The following NEK6 variants were observed in gnomAD, a reference collection of about 807,000 sequenced individuals.
The protein encoded by NEK6 is NIMA related kinase 6.
In NEK6, 27 loss-of-function variants were observed where a neutral mutation model predicts 43.5. That is an observed-to-expected ratio of 0.62 (90% CI 0.46 to 0.86). The LOEUF is 0.86. Ranked by LOEUF, NEK6 falls within the 40% of genes least tolerant of loss-of-function variation. The pLI is 0.00. For missense variants in NEK6, 318 were observed against 414.4 expected (o/e 0.77, Z 2.02); for synonymous variants, 167 against 164.1 (o/e 1.02, Z -0.14).
intron 9 of NEK6, among the ~76,000 whole-genome samples, chr9:124,348,982 A>G (rs779326015): frequency 3.5e-4 from 53 of 152,378 alleles, no homozygotes; most frequent in Non-Finnish European, 5.4e-4. Flanking sequence ...TGGCCCATCA[A>G]TTAGCTGGGG....
At chr9:124,261,650 G>C in intron 1 of NEK6, 1 of 912,018 alleles carries the variant, frequency 1.1e-6, no homozygotes, top group Non-Finnish European at 1.3e-6. Flanking sequence ...TTTCCATTTC[G>C]ATCACGGCTT....
chr9:124,269,437 G>A (rs1013340128), intron 1 of NEK6, among the ~76,000 whole-genome samples: 9 of 151,742 alleles, frequency 5.9e-5, no homozygotes, highest in East Asian at 1.9e-4. Context: ...GCAATGGCAC[G>A]ATCTTGGCTT....
At chr9:124,332,886 T>A (rs4602996) in intron 7 of NEK6, among the ~76,000 whole-genome samples, 3 of 152,122 alleles carry the variant, frequency 2.0e-5, no homozygotes, top group Non-Finnish European at 4.4e-5. Flanking sequence ...TCTTCTTTCA[T>A]ACACACAGCT....
At chr9:124,335,406 G>A (rs949368352) in intron 7 of NEK6, among the ~76,000 whole-genome samples, 3 of 152,244 alleles carry the variant, frequency 2.0e-5, no homozygotes, top group African/African-American at 7.2e-5. Context: ...CATCAAGTAT[G>A]CATAGAGGAT....
chr9:124,310,280 C>T lies in NEK6; in HGVS notation c.91-2229C>T, dbSNP rs115278749. Among the ~76,000 whole-genome samples, 614 of 152,318 alleles carry T rather than the reference C, an allele frequency of 4.0e-3. 3 individuals are homozygous for T. Among genetic ancestry groups the T allele is most frequent in the African/African-American group, 0.014 (591 of 41,568 alleles). On this transcript the variant is annotated intron_variant, in intron 2 of 9. Coordinates refer to ENST00000320246, the MANE Select transcript of NEK6 (RefSeq NM_014397.6). Reference sequence around the variant, plus strand: ...TTGTTCTGAGGACCCAAAGAGTGGGCGCGTGGGCGGTGTCTGCACAGAGCC... The same window carrying T: ...TTGTTCTGAGGACCCAAAGAGTGGGTGCGTGGGCGGTGTCTGCACAGAGCC...
At chr9:124,290,486 C>T (rs913146977) in intron 1 of NEK6, among the ~76,000 whole-genome samples, 4 of 152,254 alleles carry the variant, frequency 2.6e-5, no homozygotes, top group Admixed American at 6.5e-5. Flanking sequence ...CTCACTCACG[C>T]GTCCTCCAGG....
chr9:124,336,637 G>C (rs1829306715), intron 7 of NEK6, among the ~76,000 whole-genome samples: 1 of 152,170 alleles, frequency 6.6e-6, no homozygotes. Context: ...ACAGAGACTG[G>C]TGAGGACAGC....
chr9:124,301,348 G>A (rs1054000048), intron 1 of NEK6, among the ~76,000 whole-genome samples: 1 of 152,180 alleles, frequency 6.6e-6, no homozygotes, highest in Non-Finnish European at 1.5e-5. Context: ...AGGCTGAGGG[G>A]GGCTGTTCCT....
rs1830284586 is a variant in NEK6, at chr9:124,351,759, G to A, written c.*812G>A. The A allele has an allele frequency of 6.6e-6, 1 of 152,202 alleles. No individual in the cohort carries two copies. The allele number at this position is 152,202 out of a possible 1,614,324, so 9.4% of individuals were successfully genotyped here. A position where few individuals can be genotyped will look rare whatever the true frequency, so the allele number is the denominator to read the frequency against. ...CAAATTCTGGTTCTGCAACTTCCTA[G>A]CGTGACTTTGGGCTTGGGCAAGTTT... On this transcript the variant is annotated 3_prime_UTR_variant, in exon 10 of 10. Transcript: ENST00000320246.
chr9:124,258,273 G>C, intron 1 of NEK6, 188 bp downstream of exon 1: 1 of 984,808 alleles, frequency 1.0e-6, no homozygotes, highest in Non-Finnish European at 1.2e-6. Flanking sequence ...GGCCGGGCGG[G>C]CGGGGGCGGC....
At chr9:124,277,585 C>T (rs373026341) in intron 1 of NEK6, among the ~76,000 whole-genome samples, 4 of 152,206 alleles carry the variant, frequency 2.6e-5, no homozygotes, top group South Asian at 2.1e-4. Context: ...AAAACCAGGC[C>T]GATGCCTGCC....
chr9:124,325,807 G>A (rs190092137), intron 5 of NEK6, among the ~76,000 whole-genome samples: 10 of 152,316 alleles, frequency 6.6e-5, no homozygotes, highest in African/African-American at 2.2e-4. Flanking sequence ...CAAGGTTCTC[G>A]CCGCGTTTGT....
intron 1 of NEK6, among the ~76,000 whole-genome samples, chr9:124,269,021 C>T (rs1408685329): frequency 6.6e-6 from 1 of 152,136 alleles, no homozygotes; most frequent in Non-Finnish European, 1.5e-5. Context: ...TCACAGGACA[C>T]CTGGGTTTCT....
intron 6 of NEK6, among the ~76,000 whole-genome samples, chr9:124,327,093 C>T (rs1208603536): frequency 6.6e-6 from 1 of 152,186 alleles, no homozygotes; most frequent in Non-Finnish European, 1.5e-5. Context: ...CACAGAAACC[C>T]CTGCTGTCTT....
chr9:124,344,834 G>A (rs952004767), intron 8 of NEK6, among the ~76,000 whole-genome samples: 24 of 152,344 alleles, frequency 1.6e-4, no homozygotes, highest in African/African-American at 4.8e-4. Flanking sequence ...GAAGATCTGC[G>A]GAGCCTTGGC....
At chr9:124,294,834 G>A (rs1489903491) in intron 1 of NEK6, among the ~76,000 whole-genome samples, 1 of 152,212 alleles carries the variant, frequency 6.6e-6, no homozygotes, top group Non-Finnish European at 1.5e-5. Flanking sequence ...TCCATGGTGG[G>A]CTGGAGGCTG....
chr9:124,294,794 A>G (rs539877434), intron 1 of NEK6, among the ~76,000 whole-genome samples: 5 of 152,162 alleles, frequency 3.3e-5, no homozygotes, highest in Non-Finnish European at 7.4e-5. Context: ...AGAGATTGGC[A>G]GGTTCAGGCT....
rs1177754894 is a variant in NEK6 at position 124,324,274 on chromosome 9, T to A, written c.406-2056T>A. Reference sequence around the variant, plus strand: ...GCTCGGTTCCCCTGGTTCTGCCTGCTCTCAGGCCACCTCTGGGTTTCCAGA... The same window carrying A: ...GCTCGGTTCCCCTGGTTCTGCCTGCACTCAGGCCACCTCTGGGTTTCCAGA... On this transcript the variant is annotated intron_variant, in intron 5 of 9. Transcript: ENST00000320246. This position sits in a 1 kb window ranked among gnomAD's most constrained non-coding sequence, Gnocchi z 5.3. 1.3e-5 allele frequency among the ~76,000 whole-genome samples: 2 copies of A among 152,158 alleles called. No homozygotes were observed. Among genetic ancestry groups the A allele is most frequent in the East Asian group, 3.9e-4 (2 of 5,180 alleles).
At chr9:124,312,420 T>A in intron 2 of NEK6, 89 bp from the exon 3 acceptor site, 1 of 1,403,864 alleles carries the variant, frequency 7.1e-7, no homozygotes, top group South Asian at 1.4e-5. Context: ...CCTTAGAGGG[T>A]GCTGTTGGGG....
Sources: allele counts gnomAD v4.1 joint callset (sites outside exome capture counted in the v4.1 genomes callset), GRCh38; gene constraint gnomAD v4.1.1; non-coding constraint Gnocchi (gnomAD v3.1); transcripts MANE v1.5; gene names NCBI Gene and HGNC (gene_info 2026-07-23, HGNC 2026-07-21).